The following TBX15 variants were observed in gnomAD, a reference collection of about 807,000 sequenced individuals.
TBX15 encodes T-box transcription factor TBX15.
TBX15 carries 18 observed loss-of-function variants against 53.9 expected under a neutral mutation model. The observed-to-expected ratio is 0.33, with a 90% confidence interval of 0.23 to 0.49. The LOEUF is 0.49. Ranked by LOEUF, TBX15 falls within the 20% of genes least tolerant of loss-of-function variation. TBX15 has a pLI of 0.98. For missense variants in TBX15, 692 were observed against 749.5 expected, an observed-to-expected ratio of 0.92 and a Z score of 0.90; for synonymous variants, 295 against 278.0, an observed-to-expected ratio of 1.06 and a Z score of -0.61.
At position 118,987,766 on chromosome 1, in the gene TBX15, G is replaced by A. The variant is rs1196434434; in HGVS notation, c.30C>T (p.Ala10=). The change falls in exon 1 of 8, where the codon GCC becomes GCT. Residue 10 remains alanine, a synonymous_variant. Transcript: ENST00000369429. MSERRRSAV[A]LSSRAHAFSV... Reference sequence around the variant, plus strand: ...AGAAGGCATGTGCTCGCGAGCTCAGGGCGACTGCAGATCTTCTCCTTTCAC... The same window carrying A: ...AGAAGGCATGTGCTCGCGAGCTCAGAGCGACTGCAGATCTTCTCCTTTCAC... 2 of 1,550,110 alleles carry A rather than the reference G, an allele frequency of 1.3e-6. No individual in the cohort carries two copies. The highest frequency in any genetic ancestry group is 1.7e-6 in the Non-Finnish European group (2 of 1,146,850).
chr1:118,985,928 G>A (rs1657816380), intron 1 of TBX15, among the ~76,000 whole-genome samples: 1 of 152,108 alleles, frequency 6.6e-6, no homozygotes, highest in East Asian at 1.9e-4. Flanking sequence ...TAAGGAGAAC[G>A]GCAGAAAGAG....
At chr1:118,933,640 T>C (rs1302684618) in intron 1 of TBX15, among the ~76,000 whole-genome samples, 1 of 152,122 alleles carries the variant, frequency 6.6e-6, no homozygotes, top group Non-Finnish European at 1.5e-5. Context: ...CCTGATTCTA[T>C]AGGCCTTTCA....
intron 4 of TBX15, among the ~76,000 whole-genome samples, chr1:118,924,011 G>T (rs1252878186): frequency 6.6e-6 from 1 of 152,100 alleles, no homozygotes; most frequent in Non-Finnish European, 1.5e-5. Flanking sequence ...TTGAATATGT[G>T]AACATTATTT....
chr1:118,914,075 T>C (rs746657784), intron 6 of TBX15, 40 bp downstream of exon 6: 3 of 1,604,284 alleles, frequency 1.9e-6, no homozygotes, highest in Non-Finnish European at 2.6e-6. Context: ...GGAAGTAATG[T>C]CACATAGAAA....
chr1:118,956,186 C>G (rs1656684397), intron 1 of TBX15, among the ~76,000 whole-genome samples: 1 of 152,088 alleles, frequency 6.6e-6, no homozygotes, highest in African/African-American at 2.4e-5. Context: ...AAATAAATTT[C>G]TGTTTATAAG....
rs116196438 is a variant in TBX15, at chr1:118,945,564, G to T, written c.206-13732C>A. On this transcript the variant is annotated intron_variant, in intron 1 of 7. Transcript: ENST00000369429. ...CTGTCCCTAACCAGAGCTCCATGGA[G>T]ACACCCTGTCATTTAAAAGGCATCA... is the stretch of plus-strand genomic sequence containing the variant. 2.4e-3 allele frequency among the ~76,000 whole-genome samples: 369 copies of T among 152,232 alleles called. 3 individuals carry two copies. Among genetic ancestry groups the T allele is most frequent in the African/African-American group, 8.6e-3 (359 of 41,546 alleles).
At chr1:118,886,795 A>C (rs1250137566) in intron 7 of TBX15, among the ~76,000 whole-genome samples, 1 of 152,154 alleles carries the variant, frequency 6.6e-6, no homozygotes, top group African/African-American at 2.4e-5. Flanking sequence ...ATTTCCAACA[A>C]GTTCTCAGGT....
chr1:118,902,787 G>C (rs562985535), intron 6 of TBX15, among the ~76,000 whole-genome samples: 1 of 152,176 alleles, frequency 6.6e-6, no homozygotes, highest in East Asian at 1.9e-4. Flanking sequence ...GAGAGTTCTT[G>C]CCAACCACCT....
intron 2 of TBX15, among the ~76,000 whole-genome samples, chr1:118,930,347 T>C (rs901467975): frequency 6.6e-6 from 1 of 152,238 alleles, no homozygotes; most frequent in Non-Finnish European, 1.5e-5. Flanking sequence ...ACTGTTTTGC[T>C]TAATTTCAAT....
intron 1 of TBX15, among the ~76,000 whole-genome samples, chr1:118,948,948 C>T (rs919524882): frequency 7.2e-5 from 11 of 152,126 alleles, no homozygotes; most frequent in Admixed American, 6.5e-4. Flanking sequence ...CTCTTTCTTG[C>T]CATTATTTAC....
At chr1:118,913,315 A>T (rs1185473451) in intron 6 of TBX15, among the ~76,000 whole-genome samples, 2 of 152,160 alleles carry the variant, frequency 1.3e-5, no homozygotes, top group African/African-American at 4.8e-5. Context: ...TGTGGATTCA[A>T]TACTGTCTAT....
chr1:118,945,114 T>A (rs1311680168), intron 1 of TBX15, among the ~76,000 whole-genome samples: 1 of 152,196 alleles, frequency 6.6e-6, no homozygotes, highest in African/African-American at 2.4e-5. Context: ...ATGGGTTTAG[T>A]ACTCTGTTCA....
chr1:118,935,812 T>C (rs141819297), intron 1 of TBX15, among the ~76,000 whole-genome samples: 2 of 152,322 alleles, frequency 1.3e-5, no homozygotes, highest in Admixed American at 1.3e-4. Flanking sequence ...AAAAGAACTT[T>C]TAATTTATGT....
upstream of TBX15, chr1:118,989,327 C>A (rs573420336): frequency 6.6e-6 from 1 of 152,286 alleles, no homozygotes; most frequent in Non-Finnish European, 1.5e-5. Context: ...AAAAATCCAA[C>A]GCTCCTGGCC....
At chr1:118,986,780 T>A (rs553021707) in intron 1 of TBX15, among the ~76,000 whole-genome samples, 1 of 152,292 alleles carries the variant, frequency 6.6e-6, no homozygotes, top group South Asian at 2.1e-4. Flanking sequence ...GCGCGCACAC[T>A]CAAGATTCTT....
chr1:118,885,697 AC>A (rs1413204162), intron 7 of TBX15, among the ~76,000 whole-genome samples, 181 bp from the exon 8 acceptor site: 3 of 151,552 alleles, frequency 2.0e-5, no homozygotes, highest in African/African-American at 7.3e-5. Flanking sequence ...GGACATATAC[AC>A]AGTCATACAG....
intron 1 of TBX15, among the ~76,000 whole-genome samples, chr1:118,955,366 T>G (rs1571203344): frequency 1.3e-5 from 2 of 152,258 alleles, no homozygotes; most frequent in South Asian, 2.1e-4. Context: ...CAGAAAAACT[T>G]TATACTTATA....
rs1479308714 is a variant in TBX15, at chr1:118,883,259, T to C, written c.*1473A>G. 1 of 152,596 alleles carries C rather than the reference T, an allele frequency of 6.6e-6. No homozygotes were observed. The highest frequency in any genetic ancestry group is 1.5e-5 in the Non-Finnish European group (1 of 68,042). 9.5% of individuals were successfully genotyped at this position (152,596 alleles called of 1,614,324 possible). A position where few individuals can be genotyped will look rare whatever the true frequency, so the allele number is the denominator to read the frequency against. On this transcript the variant is annotated 3_prime_UTR_variant, in exon 8 of 8. Coordinates refer to ENST00000369429, the MANE Select transcript of TBX15 (RefSeq NM_001330677.2). ...CTCAAAACCAGAAACTTTAATAATA[T>C]CTGTATTATTTTACTTGGTATTATT...
At chr1:118,972,198 T>C (rs1437659980) in intron 1 of TBX15, among the ~76,000 whole-genome samples, 2 of 152,172 alleles carry the variant, frequency 1.3e-5, no homozygotes, top group East Asian at 3.8e-4. Context: ...AAGTTAAAGG[T>C]AAAATTGGTG....
Sources: gnomAD v4.1 joint callset for allele counts (sites outside exome capture counted in the v4.1 genomes callset) on GRCh38, gnomAD v4.1.1 for gene constraint, MANE v1.5 for transcripts, NCBI Gene and HGNC (gene_info 2026-07-23, HGNC 2026-07-21) for gene names.